Variants in GRIK4 observed in about 807,000 individuals in gnomAD.
The protein encoded by GRIK4 is glutamate ionotropic receptor kainate type subunit 4, also known as glutamate receptor ionotropic, kainate 4.
GRIK4 carries 40 observed loss-of-function variants against 104.9 expected under a neutral mutation model. The observed-to-expected ratio is 0.38, with a 90% CI of 0.30 to 0.50. The LOEUF (loss-of-function observed/expected upper bound fraction) is 0.50. Ranked by LOEUF, GRIK4 falls within the 20% of genes least tolerant of loss-of-function variation. The probability of loss-of-function intolerance (pLI) is 0.93; values close to 1 mark genes in which losing one functional copy is unlikely to be tolerated. For synonymous variants in GRIK4, 485 were observed against 524.9 expected (o/e 0.92, Z 1.04); for missense variants, 1,047 against 1,308.1 (o/e 0.80, Z 3.08).
At chr11:120,537,942 T>C (rs963028774) in intron 1 of GRIK4, among the ~76,000 whole-genome samples, 5 of 152,136 alleles carry the variant, frequency 3.3e-5, no homozygotes, top group African/African-American at 9.7e-5. Context: ...GAAGTGTCTC[T>C]ATCCTATGAC....
At chr11:120,747,360 G>A (rs1350616480) in intron 3 of GRIK4, among the ~76,000 whole-genome samples, 1 of 152,186 alleles carries the variant, frequency 6.6e-6, no homozygotes, top group Non-Finnish European at 1.5e-5. Flanking sequence ...CCAGACCTGC[G>A]CATCCCCAGC....
intron 9 of GRIK4, among the ~76,000 whole-genome samples, chr11:120,867,023 C>T (rs1954438583): frequency 6.6e-6 from 1 of 152,044 alleles, no homozygotes. Context: ...TGCTGGATGG[C>T]ACATCAAGGG....
At chr11:120,590,767 A>G (rs1211306798) in intron 1 of GRIK4, among the ~76,000 whole-genome samples, 1 of 152,096 alleles carries the variant, frequency 6.6e-6, no homozygotes, top group Non-Finnish European at 1.5e-5. Flanking sequence ...CTAGCCTTTC[A>G]TTTGTGGAAT....
At chr11:120,671,439 A>G (rs1371320583) in intron 3 of GRIK4, among the ~76,000 whole-genome samples, 3 of 152,176 alleles carry the variant, frequency 2.0e-5, no homozygotes, top group Non-Finnish European at 4.4e-5. Context: ...TGGATTTCTC[A>G]TGGATATCTC....
At chr11:120,816,417 C>T (rs77004360) in intron 5 of GRIK4, among the ~76,000 whole-genome samples, 9,564 of 151,846 alleles carry the variant, frequency 0.063, 317 homozygotes, top group Middle Eastern at 0.095. Context: ...GGGGCGGGGG[C>T]AGGGACATGG....
At chr11:120,771,190 TTC>T (rs1951934453) in intron 3 of GRIK4, among the ~76,000 whole-genome samples, 1 of 152,148 alleles carries the variant, frequency 6.6e-6, no homozygotes, top group Non-Finnish European at 1.5e-5. Flanking sequence ...CAGAGAAAAC[TTC>T]AGTCTTTGTA....
At chr11:120,532,182 T>A (rs1194533750) in intron 1 of GRIK4, among the ~76,000 whole-genome samples, 1 of 152,134 alleles carries the variant, frequency 6.6e-6, no homozygotes, top group East Asian at 1.9e-4. Flanking sequence ...CGATTTGACC[T>A]CCTGAGTCCT....
At chr11:120,983,409 G>C (rs2134805439) in intron 20 of GRIK4, among the ~76,000 whole-genome samples, 1 of 152,290 alleles carries the variant, frequency 6.6e-6, no homozygotes, top group African/African-American at 2.4e-5. Context: ...GCACCGAAAG[G>C]CCGATGCTTA....
intron 1 of GRIK4, among the ~76,000 whole-genome samples, chr11:120,644,961 A>T (rs1320089626): frequency 6.6e-6 from 1 of 152,186 alleles, no homozygotes; most frequent in African/African-American, 2.4e-5. Flanking sequence ...TTTGGGCCTT[A>T]CGCTTCCTTC....
intron 3 of GRIK4, among the ~76,000 whole-genome samples, chr11:120,763,958 G>A (rs758667085): frequency 4.6e-5 from 7 of 152,160 alleles, no homozygotes; most frequent in Non-Finnish European, 1.0e-4. Context: ...TGGCTGTTAG[G>A]TTCGCTTGGT....
At chr11:120,743,090 T>G (rs1951368955) in intron 3 of GRIK4, among the ~76,000 whole-genome samples, 1 of 151,692 alleles carries the variant, frequency 6.6e-6, no homozygotes, top group East Asian at 1.9e-4. Flanking sequence ...AATTGTCAGG[T>G]GTGGTGGCGG....
chr11:120,528,365 C>T (rs1233931615), intron 1 of GRIK4, among the ~76,000 whole-genome samples: 1 of 152,162 alleles, frequency 6.6e-6, no homozygotes, highest in Non-Finnish European at 1.5e-5. Flanking sequence ...CCCGCCTTGG[C>T]CTCCCAAAGT....
At chr11:120,931,416 G>A (rs1476998321) in intron 13 of GRIK4, among the ~76,000 whole-genome samples, 1 of 152,168 alleles carries the variant, frequency 6.6e-6, no homozygotes, top group Non-Finnish European at 1.5e-5. Flanking sequence ...CAGAGTGCCT[G>A]GAGTGTGGTG....
intron 1 of GRIK4, among the ~76,000 whole-genome samples, chr11:120,610,440 C>T (rs1381373761): frequency 2.6e-5 from 4 of 152,190 alleles, no homozygotes; most frequent in African/African-American, 4.8e-5. Context: ...CCTCGGAACA[C>T]GTGGCATGGC....
intron 3 of GRIK4, among the ~76,000 whole-genome samples, chr11:120,785,772 C>T (rs752648205): frequency 1.3e-5 from 2 of 152,184 alleles, no homozygotes; most frequent in Admixed American, 6.5e-5. Context: ...TTCTCTGCAG[C>T]GCCTGAGCAG....
intron 13 of GRIK4, among the ~76,000 whole-genome samples, chr11:120,917,247 C>CAAAAAAAAAA (rs199620498): frequency 1.4e-4 from 5 of 34,778 alleles, no homozygotes; most frequent in Non-Finnish European, 1.6e-4. Context: ...AACTCCGTCT[C>CAAAAAAAAAA]AAAAAAAAAA....
At chr11:120,758,739 A>T (rs1001778720) in intron 3 of GRIK4, among the ~76,000 whole-genome samples, 2 of 152,234 alleles carry the variant, frequency 1.3e-5, no homozygotes, top group Non-Finnish European at 2.9e-5. Flanking sequence ...AGGGCAGCTA[A>T]AAATAATCAC....
At chr11:120,563,595 G>A (rs1948267919) in intron 1 of GRIK4, among the ~76,000 whole-genome samples, 1 of 152,170 alleles carries the variant, frequency 6.6e-6, no homozygotes, top group Admixed American at 6.5e-5. Flanking sequence ...AGCCAGCCCT[G>A]TGTTACAGGT....
intron 3 of GRIK4, among the ~76,000 whole-genome samples, chr11:120,800,011 C>CTT (rs527634022): frequency 1.1e-3 from 160 of 139,480 alleles, no homozygotes; most frequent in Non-Finnish European, 1.8e-3. Context: ...CCATGCCTGG[C>CTT]TTTTTTTTTT....
Sources: allele counts gnomAD v4.1 joint callset (sites outside exome capture counted in the v4.1 genomes callset), GRCh38; gene constraint gnomAD v4.1.1; transcripts MANE v1.5; gene names NCBI Gene and HGNC (gene_info 2026-07-23, HGNC 2026-07-21).